Variants in DTNA observed in about 807,000 individuals in gnomAD.
The protein encoded by DTNA is dystrobrevin alpha.
A neutral mutation model predicts 100.7 loss-of-function variants in DTNA; 43 were observed. That is an observed-to-expected ratio of 0.43 (90% CI 0.33 to 0.55). DTNA has a LOEUF of 0.55. Among genes scored for constraint, DTNA ranks in the 20% least tolerant of loss-of-function variants. DTNA has a pLI of 0.04. For missense variants in DTNA, 798 were observed against 953.9 expected (o/e 0.84, Z 2.15); for synonymous variants, 349 against 347.9 (o/e 1.00, Z -0.04).
intron 1 of DTNA, among the ~76,000 whole-genome samples, chr18:34,585,739 TC>T (rs2049066640): frequency 1.3e-5 from 2 of 151,936 alleles, no homozygotes; most frequent in Non-Finnish European, 2.9e-5. Flanking sequence ...AAAGTAGGTA[TC>T]TGAGTATCAT....
chr18:34,674,506 A>G (rs1202661441), intron 1 of DTNA, among the ~76,000 whole-genome samples: 2 of 152,214 alleles, frequency 1.3e-5, no homozygotes, highest in African/African-American at 2.4e-5. Context: ...GACTTAATTA[A>G]TATGCTTGTG....
intron 4 of DTNA, among the ~76,000 whole-genome samples, chr18:34,800,563 G>T (rs567583208): frequency 6.6e-6 from 1 of 152,204 alleles, no homozygotes; most frequent in Non-Finnish European, 1.5e-5. Context: ...CAAAATGTGT[G>T]AGAAAGAGCA....
intron 1 of DTNA, chr18:34,493,901 GGGCGCCGCAGCCAGGACTGCGGCGC>G (rs1284049083): frequency 6.8e-6 from 1 of 147,926 alleles, no homozygotes; most frequent in Non-Finnish European, 1.5e-5. Context: ...AGCATGTGCC[GGGCGCCGCAGCCAGGACTGCGGCGC>G]GGCGCCTCCC....
At position 34,888,894 on chromosome 18, in the gene DTNA, A is replaced by G; in HGVS notation, c.*1160A>G. 1 of 985,904 alleles carries G rather than the reference A, an allele frequency of 1.0e-6. No homozygotes were observed. The highest frequency in any genetic ancestry group is 1.2e-6 in the Non-Finnish European group (1 of 829,958). The allele number at this position is 985,904 out of a possible 1,614,324, so 61.1% of individuals were successfully genotyped here. A position where few individuals can be genotyped will look rare whatever the true frequency, so the allele number is the denominator to read the frequency against. ...TGAATGTTGATTGCCTTAGCTGGCCACCTGGTGTTCTGCATGTAGCCTTCT... is the reference window on the plus strand; with the variant it reads ...TGAATGTTGATTGCCTTAGCTGGCCGCCTGGTGTTCTGCATGTAGCCTTCT... On this transcript the variant is annotated 3_prime_UTR_variant, in exon 23 of 23. Coordinates refer to ENST00000444659, the MANE Select transcript of DTNA (RefSeq NM_001386795.1).
In DTNA at chr18:34,566,282, T is replaced by A. The variant is rs540050535; in HGVS notation, c.-2+72768T>A. On this transcript the variant is annotated intron_variant, in intron 1 of 19. Coordinates refer to the DTNA transcript ENST00000283365. ...AGGAGAGAAGAGAGAAATTAATCTTTAAAAAAAAAAAAAGGAAGGTGTCAG... is the reference window on the plus strand; with the variant it reads ...AGGAGAGAAGAGAGAAATTAATCTTAAAAAAAAAAAAAAGGAAGGTGTCAG... 6.7e-4 allele frequency among the ~76,000 whole-genome samples: 95 copies of A among 141,424 alleles called. No homozygotes were observed. The South Asian group carries it at 0.02, about 29-fold the overall frequency. 92.8% of individuals were successfully genotyped at this position (141,424 alleles called of 152,430 possible). A position where few individuals can be genotyped will look rare whatever the true frequency, so the allele number is the denominator to read the frequency against.
intron 3 of DTNA, among the ~76,000 whole-genome samples, chr18:34,790,730 G>A (rs989937064): frequency 7.9e-5 from 12 of 151,916 alleles, no homozygotes; most frequent in Non-Finnish European, 1.2e-4. Flanking sequence ...GTCAAATTAC[G>A]GTTTAGAAAT....
At chr18:34,516,866 G>C (rs1325747954) in intron 1 of DTNA, among the ~76,000 whole-genome samples, 1 of 152,038 alleles carries the variant, frequency 6.6e-6, no homozygotes, top group East Asian at 1.9e-4. Context: ...ACAGGATCCT[G>C]AGGTGACATA....
chr18:34,845,832 A>G (rs2096367699), intron 13 of DTNA, among the ~76,000 whole-genome samples: 1 of 152,180 alleles, frequency 6.6e-6, no homozygotes, highest in Non-Finnish European at 1.5e-5. Context: ...TGCTATTAAA[A>G]TTATTTTCTT....
In DTNA at chr18:34,627,152, A is replaced by C. The variant is rs960329636; in HGVS notation, c.-1-128824A>C. Among the ~76,000 whole-genome samples the C allele has an allele frequency of 4.6e-5, 7 of 151,740 alleles. No homozygotes were observed. The East Asian group carries it at 9.6e-4, about 21-fold the overall frequency. On this transcript the variant is annotated intron_variant, in intron 1 of 19. Coordinates refer to the DTNA transcript ENST00000283365. Reference sequence around the variant, plus strand: ...ATCTACGGATGAGTCTGAGAGTCAAAAAAAAAAAAAATCGATTCATTCAAA... The same window carrying C: ...ATCTACGGATGAGTCTGAGAGTCAACAAAAAAAAAAATCGATTCATTCAAA...
At chr18:34,666,081 T>C (rs1207676959) in intron 1 of DTNA, among the ~76,000 whole-genome samples, 2 of 152,136 alleles carry the variant, frequency 1.3e-5, no homozygotes, top group African/African-American at 4.8e-5. Context: ...CTCTCCAGCA[T>C]CTGTTGTTTC....
chr18:34,665,269 AAAC>A (rs559679183), intron 1 of DTNA, among the ~76,000 whole-genome samples: 4 of 152,284 alleles, frequency 2.6e-5, no homozygotes, highest in Non-Finnish European at 5.9e-5. Flanking sequence ...TATACATTAC[AAAC>A]AACAACAACA....
At chr18:34,691,397 C>T (rs953806659) in intron 1 of DTNA, among the ~76,000 whole-genome samples, 3 of 152,158 alleles carry the variant, frequency 2.0e-5, no homozygotes, top group African/African-American at 4.8e-5. Flanking sequence ...CCTCTCTGAG[C>T]GTCAGTTGAC....
At chr18:34,662,413 CT>C (rs2075327793) in intron 1 of DTNA, among the ~76,000 whole-genome samples, 1 of 152,016 alleles carries the variant, frequency 6.6e-6, no homozygotes, top group Non-Finnish European at 1.5e-5. Context: ...AGATAAGGGA[CT>C]GGGCGATCCT....
chr18:34,593,608 A>G (rs2049985212), intron 1 of DTNA: 1 of 152,084 alleles, frequency 6.6e-6, no homozygotes, highest in African/African-American at 2.4e-5. Flanking sequence ...TTTTCTTTTT[A>G]TCTGTGTGAA....
At chr18:34,608,513 G>GTT (rs34065264) in intron 1 of DTNA, among the ~76,000 whole-genome samples, 19 of 144,544 alleles carry the variant, frequency 1.3e-4, no homozygotes, top group Non-Finnish European at 1.7e-4. Flanking sequence ...TATTCGTTAG[G>GTT]TTTTTTTTTT....
chr18:34,520,125 G>A (rs2042019625), intron 1 of DTNA, among the ~76,000 whole-genome samples: 1 of 152,124 alleles, frequency 6.6e-6, no homozygotes, highest in Non-Finnish European at 1.5e-5. Flanking sequence ...GATAAGAAAT[G>A]AGCTTTGTGG....
chr18:34,686,597 TTC>T (rs1191667410), intron 1 of DTNA, among the ~76,000 whole-genome samples: 2 of 152,140 alleles, frequency 1.3e-5, no homozygotes, highest in African/African-American at 4.8e-5. Flanking sequence ...GCCTGAAATT[TTC>T]TTTTTTTGTT....
At chr18:34,808,423 A>T (rs2095416256) in intron 5 of DTNA, among the ~76,000 whole-genome samples, 1 of 152,178 alleles carries the variant, frequency 6.6e-6, no homozygotes, top group African/African-American at 2.4e-5. Context: ...ACCAATTACT[A>T]AACTAATTAC....
At chr18:34,731,524 G>A (rs146191556) in intron 1 of DTNA, among the ~76,000 whole-genome samples, 1 of 152,040 alleles carries the variant, frequency 6.6e-6, no homozygotes, top group South Asian at 2.1e-4. Context: ...TTAGATAAAA[G>A]GGATATACAA....
Sources: allele counts gnomAD v4.1 joint callset (sites outside exome capture counted in the v4.1 genomes callset), GRCh38; gene constraint gnomAD v4.1.1; transcripts MANE v1.5; gene names NCBI Gene and HGNC (gene_info 2026-07-23, HGNC 2026-07-21).